The following EXD2 variants were observed in gnomAD, a reference collection of about 807,000 sequenced individuals.
The protein encoded by EXD2 is exonuclease 3'-5' domain containing 2, also known as exonuclease 3'-5' domain-containing protein 2.
Under a neutral mutation model 62.5 loss-of-function variants are expected in EXD2, and 40 were observed. That is an observed-to-expected ratio of 0.64 (90% CI 0.50 to 0.83). The LOEUF is 0.83. EXD2 is among the 40% of genes least tolerant of loss of function. The pLI, the probability that EXD2 is intolerant of heterozygous loss-of-function variation, is 0.00. For missense variants in EXD2, 671 were observed against 761.8 expected (o/e 0.88, Z 1.40); for synonymous variants, 239 against 291.9 (o/e 0.82, Z 1.85).
chr14:69,199,344 G>A (rs2042311650), intron 1 of EXD2, among the ~76,000 whole-genome samples: 1 of 152,220 alleles, frequency 6.6e-6, no homozygotes, highest in East Asian at 1.9e-4. Flanking sequence ...TGAGTGGTGG[G>A]TGAATGTGAA....
chr14:69,216,481 G>A (rs940993675), intron 3 of EXD2, among the ~76,000 whole-genome samples: 4 of 152,168 alleles, frequency 2.6e-5, no homozygotes, highest in Non-Finnish European at 4.4e-5. Flanking sequence ...AGACTGGAGT[G>A]CAGTGGCATG....
chr14:69,195,770 G>A (rs967806688), intron 1 of EXD2, among the ~76,000 whole-genome samples: 6 of 152,136 alleles, frequency 3.9e-5, no homozygotes, highest in Admixed American at 2.6e-4. Context: ...CATACAATGT[G>A]TAGTCTTTTG....
chr14:69,204,851 A>T (rs961300354), intron 2 of EXD2, among the ~76,000 whole-genome samples: 5 of 152,216 alleles, frequency 3.3e-5, no homozygotes, highest in African/African-American at 1.2e-4. Flanking sequence ...CCTTGAGCTG[A>T]ATTTCATTCA....
rs1360866416 is a variant in EXD2 at position 69,237,768 on chromosome 14, G to C, written c.1486G>C (p.Asp496His). Residue 496 changes from aspartate (D) to histidine (H), a missense_variant, in exon 9 of 10, where the codon GAT becomes CAT. Asp to His is a moderately conservative substitution (Grantham distance 81). Coordinates refer to ENST00000685843, the MANE Select transcript of EXD2 (RefSeq NM_001193360.2). ...GSEEGLRLLE[D>H]PERRQVRSGA... ...TGAGGAGGGCTTGCGCCTGCTGGAA[G>C]ATCCTGAGCGCCGGCAGGTGCGTTC... is the stretch of plus-strand genomic sequence containing the variant. 6.2e-7 allele frequency: 1 copy of C among 1,613,878 alleles called. No individual in the cohort carries two copies. Among genetic ancestry groups the C allele is most frequent in the South Asian group, 1.1e-5 (1 of 91,012 alleles).
chr14:69,193,119 C>T (rs1041083686), intron 1 of EXD2, among the ~76,000 whole-genome samples: 32 of 149,330 alleles, frequency 2.1e-4, no homozygotes, highest in Non-Finnish European at 4.0e-4. Context: ...AGTGCAGTGG[C>T]GTGATCTCAG....
At chr14:69,222,937 T>C (rs1345149369) in intron 3 of EXD2, among the ~76,000 whole-genome samples, 1 of 152,224 alleles carries the variant, frequency 6.6e-6, no homozygotes, top group Admixed American at 6.5e-5. Context: ...AGAGAATTCA[T>C]GCCTCATATA....
chr14:69,198,441 C>G (rs928776336), intron 1 of EXD2, among the ~76,000 whole-genome samples: 5 of 152,192 alleles, frequency 3.3e-5, no homozygotes, highest in Non-Finnish European at 7.3e-5. Flanking sequence ...CAGGCTAGCA[C>G]CCACATTAGT....
intron 9 of EXD2, among the ~76,000 whole-genome samples, chr14:69,240,218 G>A (rs1424007908): frequency 6.6e-6 from 1 of 152,122 alleles, no homozygotes; most frequent in East Asian, 1.9e-4. Context: ...ATTCACAGGA[G>A]GTGAAAGCAC....
chr14:69,237,870 T>C lies in EXD2; in HGVS notation c.1588T>C (p.Phe530Leu). The C allele has an allele frequency of 1.2e-6, 2 of 1,609,902 alleles. No homozygotes were observed. Among genetic ancestry groups the C allele is most frequent in the Non-Finnish European group, 1.7e-6 (2 of 1,178,496 alleles). ...KEELLQALRE[F>L]YNTDVVTEEM... Reference sequence around the variant, plus strand: ...GGAGCTGCTGCAAGCACTCAGAGAGTTTTATAACACAGACGTGGTCACAGA... The same window carrying C: ...GGAGCTGCTGCAAGCACTCAGAGAGCTTTATAACACAGACGTGGTCACAGA... The change falls in exon 9 of 10, where the codon TTT (phenylalanine) becomes CTT (leucine). Residue 530 changes from phenylalanine to leucine, a missense_variant. By Grantham distance (22) the Phe-to-Leu change is conservative. Transcript: ENST00000685843.
At chr14:69,213,536 A>AGTTTTTTTT (rs1566824755) in intron 3 of EXD2, among the ~76,000 whole-genome samples, 1 of 33,938 alleles carries the variant, frequency 2.9e-5, no homozygotes. Context: ...GCACCTGGAT[A>AGTTTTTTTT]ATTTTTTTTT....
intron 1 of EXD2, chr14:69,196,029 G>A (rs1269745527): frequency 6.6e-6 from 1 of 152,240 alleles, no homozygotes; most frequent in Non-Finnish European, 1.5e-5. Flanking sequence ...GGCTCTAGGG[G>A]AGAATCCTAC....
chr14:69,216,389 T>G (rs1448570268), intron 3 of EXD2, among the ~76,000 whole-genome samples: 1 of 152,204 alleles, frequency 6.6e-6, no homozygotes, highest in African/African-American at 2.4e-5. Flanking sequence ...AGACCTGCCA[T>G]CTTGTTCTTT....
At chr14:69,193,062 T>TC (rs1566810835) in intron 1 of EXD2, among the ~76,000 whole-genome samples, 6 of 87,576 alleles carry the variant, frequency 6.9e-5, no homozygotes, top group Middle Eastern at 5.1e-3. Context: ...CTCTCTCTCT[T>TC]TTTTTTTTTT....
intron 1 of EXD2, among the ~76,000 whole-genome samples, chr14:69,200,283 G>A (rs530755725): frequency 8.7e-4 from 132 of 152,306 alleles, no homozygotes; most frequent in Non-Finnish European, 1.6e-3. Context: ...GGTTAGAAGA[G>A]AATGGGAATT....
chr14:69,192,650 T>A (rs2042071158), intron 1 of EXD2, among the ~76,000 whole-genome samples: 1 of 152,252 alleles, frequency 6.6e-6, no homozygotes, highest in Non-Finnish European at 1.5e-5. Context: ...TGTGTATTTT[T>A]CTTTGCATTT....
chr14:69,221,524 G>A (rs1352102334), intron 3 of EXD2, among the ~76,000 whole-genome samples: 1 of 152,018 alleles, frequency 6.6e-6, no homozygotes, highest in Non-Finnish European at 1.5e-5. Flanking sequence ...CACCACTATG[G>A]GAGGCTGAGG....
chr14:69,242,903 C>T lies in EXD2; in HGVS notation c.*1803C>T, dbSNP rs899746747. On this transcript the variant is annotated 3_prime_UTR_variant, in exon 10 of 10. Coordinates refer to ENST00000685843, the MANE Select transcript of EXD2 (RefSeq NM_001193360.2). ...AGCTGATTTTAAGTCATTTTGATAGCTTTGCAAGAAAAATTTTTCCTTTGA... is the reference window on the plus strand; with the variant it reads ...AGCTGATTTTAAGTCATTTTGATAGTTTTGCAAGAAAAATTTTTCCTTTGA... 1 of 152,166 alleles carries T rather than the reference C, an allele frequency of 6.6e-6. No homozygotes were observed. The highest frequency in any genetic ancestry group is 1.5e-5 in the Non-Finnish European group (1 of 68,032). The allele number at this position is 152,166 out of a possible 1,614,324, so 9.4% of individuals were successfully genotyped here.
chr14:69,209,878 C>G lies in EXD2; in HGVS notation c.333+75C>G, dbSNP rs973104436. 9 of 1,217,870 alleles carry G rather than the reference C, an allele frequency of 7.4e-6. No individual in the cohort carries two copies. In the African/African-American group the frequency reaches 1.2e-4, roughly 17 times the overall value. 75.4% of individuals were successfully genotyped at this position (1,217,870 alleles called of 1,614,324 possible). A position where few individuals can be genotyped will look rare whatever the true frequency, so the allele number is the denominator to read the frequency against. On this transcript the variant is annotated intron_variant, in intron 3 of 9. Coordinates refer to ENST00000685843, the MANE Select transcript of EXD2 (RefSeq NM_001193360.2). ...TTTTCCAACTGGGACCTTGGACAGT[C>G]AAGTAGAAAATAAGGTTAAAGGAGA...
chr14:69,237,630 C>A lies in EXD2; in HGVS notation c.1348C>A (p.His450Asn), dbSNP rs754637120. 1.2e-6 allele frequency: 2 copies of A among 1,614,234 alleles called. No individual in the cohort carries two copies. Among genetic ancestry groups the A allele is most frequent in the Non-Finnish European group, 1.7e-6 (2 of 1,180,040 alleles). Residue 450 changes from histidine (H) to asparagine (N), a missense_variant, in exon 9 of 10, where the codon CAC becomes AAC. His to Asn is a moderately conservative substitution (Grantham distance 68). Coordinates refer to ENST00000685843, the MANE Select transcript of EXD2 (RefSeq NM_001193360.2). The stretch of plus-strand genomic sequence containing the variant: ...GCACTTCCCCATCGAGATGAAGGAC[C>A]ACAACTCCCACGATGTGCTGCTGCT... ...RKHFPIEMKD[H>N]NSHDVLLLCT...
Sources: gnomAD v4.1 joint callset for allele counts (sites outside exome capture counted in the v4.1 genomes callset) on GRCh38, gnomAD v4.1.1 for gene constraint, MANE v1.5 for transcripts, NCBI Gene and HGNC (gene_info 2026-07-23, HGNC 2026-07-21) for gene names.